Variants in ARHGEF4 observed in about 807,000 individuals in gnomAD.
ARHGEF4 encodes APC-stimulated guanine nucleotide exchange factor 1.
In ARHGEF4, 119 loss-of-function variants were observed where a neutral mutation model predicts 162.0. The observed-to-expected ratio is 0.73, with a 90% CI of 0.63 to 0.86. ARHGEF4 has a LOEUF of 0.86. Ranked by LOEUF, ARHGEF4 falls within the 40% of genes least tolerant of loss-of-function variation. ARHGEF4 has a pLI of 0.00. For synonymous variants in ARHGEF4, 1,014 were observed against 979.9 expected, an observed-to-expected ratio of 1.03 and a Z score of -0.65; for missense variants, 2,488 against 2,456.0, an observed-to-expected ratio of 1.01 and a Z score of -0.28.
chr2:130,940,831 CAAA>C (rs1196586339), intron 3 of ARHGEF4, among the ~76,000 whole-genome samples: 1 of 43,398 alleles, frequency 2.3e-5, no homozygotes. Context: ...GACTCCGTCT[CAAA>C]AAAAAAAAAA....
chr2:130,879,170 T>C (rs757562324), intron 1 of ARHGEF4, among the ~76,000 whole-genome samples: 2 of 152,204 alleles, frequency 1.3e-5, no homozygotes, highest in Non-Finnish European at 2.9e-5. Flanking sequence ...AACTGGTTGC[T>C]TAGGGACACT....
rs191509791 is a variant in ARHGEF4 at position 130,884,299 on chromosome 2, C to T, written c.40-29687C>T. Among the ~76,000 whole-genome samples, 16 of 151,646 alleles carry T rather than the reference C, an allele frequency of 1.1e-4. 1 individual carries two copies. The highest frequency in any genetic ancestry group is 3.4e-3 in the Middle Eastern group (1 of 294). On this transcript the variant is annotated intron_variant, in intron 1 of 13. Coordinates refer to ENST00000409359, the MANE Select transcript of ARHGEF4 (RefSeq NM_001367493.1). ...GCATGCACACAGACACACATAGGCA[C>T]GTGCACACACACACACACACCCACA...
chr2:130,898,196 G>C (rs78125866), intron 1 of ARHGEF4, among the ~76,000 whole-genome samples: 4 of 152,136 alleles, frequency 2.6e-5, no homozygotes, highest in African/African-American at 7.2e-5. Flanking sequence ...GCAGGAGCAC[G>C]ACAGACCTGA....
intron 3 of ARHGEF4, among the ~76,000 whole-genome samples, chr2:130,937,635 A>C (rs1365374642): frequency 2.0e-5 from 3 of 148,794 alleles, no homozygotes; most frequent in Admixed American, 2.0e-4. Flanking sequence ...TCTTTCCCTG[A>C]GTGGGCCATA....
At chr2:130,929,092 T>C (rs1423169890) in intron 2 of ARHGEF4, among the ~76,000 whole-genome samples, 1 of 152,198 alleles carries the variant, frequency 6.6e-6, no homozygotes, top group Non-Finnish European at 1.5e-5. Flanking sequence ...TGGGTGCCTC[T>C]GGGCAAGGAC....
At chr2:131,022,729 A>G (rs2105356787) in intron 4 of ARHGEF4, among the ~76,000 whole-genome samples, 1 of 152,090 alleles carries the variant, frequency 6.6e-6, no homozygotes, top group Non-Finnish European at 1.5e-5. Context: ...TTAGAAGAAA[A>G]CATTAAGAGA....
Position 130,916,237 on chromosome 2 carries a change from G to A in ARHGEF4, c.2291G>A (p.Gly764Asp), listed in dbSNP as rs761451774. The change falls in exon 2 of 14, where the codon GGC (glycine) becomes GAC (aspartate). Residue 764 changes from glycine to aspartate, a missense_variant. This residue lies in a region of ARHGEF4 where 1,642 missense variants were observed against 1,481.5 expected (regional missense o/e 1.11). Coordinates refer to ENST00000409359, the MANE Select transcript of ARHGEF4 (RefSeq NM_001367493.1). ...APEGGAAAAR[G>D]QRPRVPALEP... ...GAAGGCGGTGCTGCAGCAGCCCGGG[G>A]CCAGCGCCCCCGCGTCCCCGCCTTG... The A allele has an allele frequency of 6.5e-7, 1 of 1,532,086 alleles. No individual in the cohort carries two copies. The highest frequency in any genetic ancestry group is 8.8e-7 in the Non-Finnish European group (1 of 1,140,772). The allele number at this position is 1,532,086 out of a possible 1,614,324, so 94.9% of individuals were successfully genotyped here.
chr2:130,916,760 C>G lies in ARHGEF4; in HGVS notation c.2814C>G (p.Pro938=). 6.4e-7 allele frequency: 1 copy of G among 1,550,640 alleles called. No homozygotes were observed. Among genetic ancestry groups the G allele is most frequent in the East Asian group, 2.4e-5 (1 of 40,886 alleles). The change falls in exon 2 of 14, where the codon CCC becomes CCG. Residue 938 remains proline, a synonymous_variant. Coordinates refer to ENST00000409359, the MANE Select transcript of ARHGEF4 (RefSeq NM_001367493.1). ...CCCATGAACGTTCCCCAAGTTCTCC[C>G]AAGGGCGAGAAGGAGAAGAGCAGGC... The part of the protein sequence containing the change: ...ENTHERSPSS[P]KGEKEKSRLR...
At chr2:130,842,693 T>C (rs1471069231) in intron 1 of ARHGEF4, among the ~76,000 whole-genome samples, 1 of 152,182 alleles carries the variant, frequency 6.6e-6, no homozygotes, top group Non-Finnish European at 1.5e-5. Context: ...CACGTGGTAA[T>C]GTATTTCCAC....
chr2:130,994,664 C>T (rs551192393), intron 4 of ARHGEF4, among the ~76,000 whole-genome samples: 6 of 152,280 alleles, frequency 3.9e-5, no homozygotes, highest in Admixed American at 2.6e-4. Flanking sequence ...ACCTTCCTGT[C>T]GGGGATCCTT....
At chr2:130,906,258 T>A (rs2105029440) in intron 1 of ARHGEF4, among the ~76,000 whole-genome samples, 1 of 152,342 alleles carries the variant, frequency 6.6e-6, no homozygotes, top group East Asian at 1.9e-4. Context: ...AGATTTGGGT[T>A]TGAAGTGTGT....
At chr2:130,962,919 C>T (rs1400444911) in intron 4 of ARHGEF4, among the ~76,000 whole-genome samples, 1 of 152,142 alleles carries the variant, frequency 6.6e-6, no homozygotes, top group African/African-American at 2.4e-5. Context: ...CAGTTTTTCA[C>T]CTCCTGGAAT....
chr2:130,988,870 GTGTATATA>G (rs770189966), intron 4 of ARHGEF4, among the ~76,000 whole-genome samples: 2,587 of 28,356 alleles, frequency 0.091, 78 homozygotes, highest in African/African-American at 0.13. Flanking sequence ...GTGTGTGTGT[GTGTATATA>G]TATATATATA....
At chr2:130,926,062 CTTTCTTTCTTTCTTTG>C (rs1490187348) in intron 2 of ARHGEF4, among the ~76,000 whole-genome samples, 37 of 117,466 alleles carry the variant, frequency 3.1e-4, no homozygotes, top group South Asian at 8.7e-4. Flanking sequence ...TTCTTTCTTT[CTTTCTTTCTTTCTTTG>C]GTCTGTTTTC....
At chr2:130,971,171 T>G (rs1558787373) in intron 4 of ARHGEF4, among the ~76,000 whole-genome samples, 1 of 152,224 alleles carries the variant, frequency 6.6e-6, no homozygotes, top group African/African-American at 2.4e-5. Context: ...TAAAAAGACT[T>G]TTTTTCTCCA....
chr2:130,922,423 G>A (rs926043034), intron 2 of ARHGEF4, among the ~76,000 whole-genome samples: 1 of 152,110 alleles, frequency 6.6e-6, no homozygotes. Context: ...TGCAGCCTGG[G>A]ACACACTTCC....
chr2:130,880,707 A>C (rs1269985483), intron 1 of ARHGEF4, among the ~76,000 whole-genome samples: 2 of 152,046 alleles, frequency 1.3e-5, no homozygotes, highest in African/African-American at 4.8e-5. Flanking sequence ...GCTAATTTTT[A>C]AATTTTTTGT....
intron 4 of ARHGEF4, among the ~76,000 whole-genome samples, chr2:131,005,738 T>C (rs1558840312): frequency 2.0e-5 from 3 of 152,004 alleles, no homozygotes; most frequent in Non-Finnish European, 4.4e-5. Context: ...GTGTGGGCAC[T>C]GGGGGGAGAT....
chr2:130,848,959 C>T (rs1681193662), intron 1 of ARHGEF4, among the ~76,000 whole-genome samples: 1 of 152,144 alleles, frequency 6.6e-6, no homozygotes, highest in Non-Finnish European at 1.5e-5. Flanking sequence ...CTGGGCACCT[C>T]GGATCCTCCA....
Sources: gnomAD v4.1 joint callset for allele counts (sites outside exome capture counted in the v4.1 genomes callset) on GRCh38, gnomAD v4.1.1 for gene constraint, gnomAD v4.1.1 regional missense constraint, MANE v1.5 for transcripts, NCBI Gene and HGNC (gene_info 2026-07-23, HGNC 2026-07-21) for gene names.